PRKD1: variants seen among roughly 807,000 people sequenced by gnomAD.
The protein encoded by PRKD1 is protein kinase D1.
PRKD1 carries 63 observed loss-of-function variants against 95.9 expected under a neutral mutation model. The observed-to-expected ratio is 0.66, with a 90% CI of 0.54 to 0.81. PRKD1 has a LOEUF of 0.81. Among genes scored for constraint, PRKD1 ranks in the 30% least tolerant of loss-of-function variants. The pLI is 0.00. For synonymous variants in PRKD1, 425 were observed against 423.1 expected (o/e 1.00, Z -0.05); for missense variants, 1,048 against 1,165.3 (o/e 0.90, Z 1.47).
chr14:29,707,946 A>G (rs1156438512), intron 2 of PRKD1, among the ~76,000 whole-genome samples: 1 of 152,156 alleles, frequency 6.6e-6, no homozygotes, highest in African/African-American at 2.4e-5. Context: ...GGCTAATGAC[A>G]TATCAATCTT....
intron 1 of PRKD1, among the ~76,000 whole-genome samples, chr14:29,776,653 C>T (rs1474552370): frequency 6.6e-6 from 1 of 151,912 alleles, no homozygotes; most frequent in African/African-American, 2.4e-5. Flanking sequence ...GTGAAAAGAC[C>T]AAATCTAGAT....
chr14:29,834,307 T>C (rs960360791), intron 1 of PRKD1, among the ~76,000 whole-genome samples: 4 of 152,148 alleles, frequency 2.6e-5, no homozygotes, highest in African/African-American at 9.6e-5. Context: ...GTTTGTATTT[T>C]TGACATACTG....
intron 1 of PRKD1, among the ~76,000 whole-genome samples, chr14:29,902,385 T>C (rs1381256249): frequency 6.6e-6 from 1 of 152,230 alleles, no homozygotes; most frequent in Non-Finnish European, 1.5e-5. Context: ...ATATGACTTA[T>C]GAAAAGCATA....
chr14:29,702,229 C>T (rs763119978), intron 2 of PRKD1, among the ~76,000 whole-genome samples: 9 of 152,132 alleles, frequency 5.9e-5, no homozygotes, highest in African/African-American at 1.2e-4. Context: ...CCTCTAATTG[C>T]GTGTAAGAGC....
chr14:29,828,733 CAACAA>C (rs1164270370), intron 1 of PRKD1, among the ~76,000 whole-genome samples: 1 of 151,998 alleles, frequency 6.6e-6, no homozygotes, highest in Non-Finnish European at 1.5e-5. Flanking sequence ...GAGATTGGTC[CAACAA>C]AACATATACT....
intron 2 of PRKD1, among the ~76,000 whole-genome samples, chr14:29,722,884 A>G (rs1334716576): frequency 6.6e-6 from 1 of 152,202 alleles, no homozygotes; most frequent in Non-Finnish European, 1.5e-5. Context: ...TGGAGAAAAA[A>G]GAAATAGAAA....
intron 1 of PRKD1, among the ~76,000 whole-genome samples, chr14:29,904,097 G>T (rs1401862633): frequency 6.6e-6 from 1 of 152,036 alleles, no homozygotes; most frequent in Non-Finnish European, 1.5e-5. Flanking sequence ...TTATTTTTAT[G>T]GCAATAATTA....
intron 2 of PRKD1, among the ~76,000 whole-genome samples, chr14:29,702,083 G>A (rs1245167752): frequency 6.6e-6 from 1 of 152,048 alleles, no homozygotes; most frequent in Non-Finnish European, 1.5e-5. Flanking sequence ...TAGAAATATG[G>A]AATCGTCTCC....
At chr14:29,686,437 A>G (rs1172983677) in intron 2 of PRKD1, among the ~76,000 whole-genome samples, 1 of 152,154 alleles carries the variant, frequency 6.6e-6, no homozygotes, top group Non-Finnish European at 1.5e-5. Context: ...TTCTTTAGCT[A>G]TCATCTCCAC....
chr14:29,782,240 T>C (rs770973276), intron 1 of PRKD1, among the ~76,000 whole-genome samples: 13 of 152,186 alleles, frequency 8.5e-5, no homozygotes, highest in Non-Finnish European at 1.6e-4. Flanking sequence ...GTCTTAGTCA[T>C]GTGATCTGCT....
chr14:29,879,121 T>C (rs916839320), intron 1 of PRKD1, among the ~76,000 whole-genome samples: 2 of 152,132 alleles, frequency 1.3e-5, no homozygotes, highest in South Asian at 4.1e-4. Context: ...CTTCACCTGC[T>C]CTCCACCAAG....
intron 1 of PRKD1, among the ~76,000 whole-genome samples, chr14:29,806,926 T>C (rs575648228): frequency 1.1e-4 from 17 of 152,280 alleles, no homozygotes; most frequent in Admixed American, 7.8e-4. Flanking sequence ...TGTCGCAATA[T>C]GGCAAGTCAC....
chr14:29,641,902 T>C (rs868555497), intron 4 of PRKD1, among the ~76,000 whole-genome samples: 18 of 136,758 alleles, frequency 1.3e-4, no homozygotes, highest in East Asian at 4.1e-4. Flanking sequence ...ATATTTCTTT[T>C]TTTTTTTTTT....
At chr14:29,720,816 G>A (rs949079344) in intron 2 of PRKD1, among the ~76,000 whole-genome samples, 4 of 151,868 alleles carry the variant, frequency 2.6e-5, no homozygotes, top group Admixed American at 6.6e-5. Flanking sequence ...AATAAATCCT[G>A]AAGCCCAAAG....
At chr14:29,697,586 TA>T (rs1181573313) in intron 2 of PRKD1, among the ~76,000 whole-genome samples, 3 of 152,222 alleles carry the variant, frequency 2.0e-5, no homozygotes, top group Non-Finnish European at 2.9e-5. Context: ...ACATCTATTT[TA>T]TTAAAATCTA....
At chr14:29,586,128 C>T (rs568034959) in intron 16 of PRKD1, among the ~76,000 whole-genome samples, 4 of 152,252 alleles carry the variant, frequency 2.6e-5, no homozygotes, top group African/African-American at 9.6e-5. Flanking sequence ...GGTATGAGAA[C>T]ATTGATAGTG....
At chr14:29,787,479 A>G (rs1889328793) in intron 1 of PRKD1, among the ~76,000 whole-genome samples, 1 of 152,062 alleles carries the variant, frequency 6.6e-6, no homozygotes, top group Non-Finnish European at 1.5e-5. Context: ...TTTAGCTCTA[A>G]TAATATTTGC....
intron 2 of PRKD1, among the ~76,000 whole-genome samples, chr14:29,716,644 C>T (rs898168738): frequency 6.6e-6 from 1 of 152,042 alleles, no homozygotes; most frequent in Admixed American, 6.6e-5. Flanking sequence ...AATAAATTGA[C>T]GAAGTCAAAT....
At chr14:29,676,084 G>A (rs532327269) in intron 2 of PRKD1, among the ~76,000 whole-genome samples, 1 of 151,016 alleles carries the variant, frequency 6.6e-6, no homozygotes, top group Non-Finnish European at 1.5e-5. Flanking sequence ...AAACCTGCAC[G>A]TTGTGCACAT....
Sources: gnomAD v4.1 joint callset for allele counts (sites outside exome capture counted in the v4.1 genomes callset) on GRCh38, gnomAD v4.1.1 for gene constraint, MANE v1.5 for transcripts, NCBI Gene and HGNC (gene_info 2026-07-23, HGNC 2026-07-21) for gene names.